NKAIN2: variants seen among roughly 807,000 people sequenced by gnomAD.
NKAIN2 encodes sodium/potassium transporting ATPase interacting 2.
Under a neutral mutation model 32.6 loss-of-function variants are expected in NKAIN2, and 14 were observed. That is an observed-to-expected ratio of 0.43 (90% CI 0.28 to 0.67). The LOEUF (loss-of-function observed/expected upper bound fraction) is 0.67, where lower values mean the gene tolerates loss of function less well. Among genes scored for constraint, NKAIN2 ranks in the 30% least tolerant of loss-of-function variants. The pLI is 0.17. For missense variants in NKAIN2, 198 were observed against 258.3 expected, an observed-to-expected ratio of 0.77 and a Z score of 1.60; for synonymous variants, 80 against 87.2, an observed-to-expected ratio of 0.92 and a Z score of 0.46.
intron 5 of NKAIN2, among the ~76,000 whole-genome samples, chr6:124,808,365 C>T (rs532537263): frequency 6.6e-6 from 1 of 152,236 alleles, no homozygotes; most frequent in African/African-American, 2.4e-5. Flanking sequence ...AGCATATAAA[C>T]AGACCAAAGA....
intron 1 of NKAIN2, among the ~76,000 whole-genome samples, chr6:124,270,716 A>G (rs1024730923): frequency 3.3e-5 from 5 of 152,226 alleles, no homozygotes; most frequent in African/African-American, 7.2e-5. Context: ...CTGTTAATAT[A>G]TAGGCAACCC....
At chr6:123,946,177 A>T (rs1471937920) in intron 1 of NKAIN2, among the ~76,000 whole-genome samples, 2 of 152,160 alleles carry the variant, frequency 1.3e-5, no homozygotes, top group African/African-American at 2.4e-5. Flanking sequence ...GTTGGTGAGC[A>T]GAGTGAAGTA....
At chr6:124,732,012 CTACTT>C (rs997349894) in intron 4 of NKAIN2, among the ~76,000 whole-genome samples, 3 of 151,958 alleles carry the variant, frequency 2.0e-5, no homozygotes, top group Non-Finnish European at 2.9e-5. Flanking sequence ...CTCTAAAAGC[CTACTT>C]TACTTAGCCT....
At chr6:123,850,392 AT>A (rs1355382861) in intron 1 of NKAIN2, among the ~76,000 whole-genome samples, 5 of 149,198 alleles carry the variant, frequency 3.4e-5, no homozygotes, top group Non-Finnish European at 4.4e-5. Flanking sequence ...ACACGTATAT[AT>A]TTTTTTCCCC....
chr6:124,095,043 A>G lies in NKAIN2; in HGVS notation c.55-187962A>G, dbSNP rs146425718. Among the ~76,000 whole-genome samples the G allele has an allele frequency of 3.4e-3, 517 of 152,236 alleles. 1 individual carries two copies. The highest frequency in any genetic ancestry group is 0.012 in the African/African-American group (479 of 41,544). Reference sequence around the variant, plus strand: ...GAGACATTAAAAAATATGTAATAACATGGTTGTAAAAATGTGGTGAAGAAT... The same window carrying G: ...GAGACATTAAAAAATATGTAATAACGTGGTTGTAAAAATGTGGTGAAGAAT... On this transcript the variant is annotated intron_variant, in intron 1 of 6. Coordinates refer to ENST00000368417, the MANE Select transcript of NKAIN2 (RefSeq NM_001040214.3).
chr6:124,524,812 C>A (rs1173467349), intron 3 of NKAIN2, among the ~76,000 whole-genome samples: 1 of 152,072 alleles, frequency 6.6e-6, no homozygotes, highest in Non-Finnish European at 1.5e-5. Flanking sequence ...ATGCTTTTTT[C>A]ACATAAAACT....
chr6:124,604,826 C>A (rs914597120), intron 3 of NKAIN2, among the ~76,000 whole-genome samples: 1 of 151,874 alleles, frequency 6.6e-6, no homozygotes, highest in Non-Finnish European at 1.5e-5. Flanking sequence ...GGCTCAGTGG[C>A]CTTACCACCT....
At chr6:124,693,682 G>A (rs1774362563) in intron 4 of NKAIN2, among the ~76,000 whole-genome samples, 1 of 152,178 alleles carries the variant, frequency 6.6e-6, no homozygotes, top group Non-Finnish European at 1.5e-5. Flanking sequence ...AAGGGGAGAA[G>A]GGAAAGGGCA....
chr6:124,570,001 G>A (rs1781064480), intron 3 of NKAIN2, among the ~76,000 whole-genome samples: 2 of 152,190 alleles, frequency 1.3e-5, no homozygotes, highest in South Asian at 4.1e-4. Context: ...GGTGGTCTCA[G>A]ATGGAGATGA....
intron 3 of NKAIN2, among the ~76,000 whole-genome samples, chr6:124,369,832 A>G (rs1799674423): frequency 6.8e-6 from 1 of 146,928 alleles, no homozygotes; most frequent in South Asian, 2.2e-4. Flanking sequence ...TTTGGAAACT[A>G]AATTAAGATT....
intron 3 of NKAIN2, among the ~76,000 whole-genome samples, chr6:124,611,902 C>T (rs1019621241): frequency 2.0e-5 from 3 of 152,116 alleles, no homozygotes; most frequent in African/African-American, 7.2e-5. Context: ...TTGTTGTCAG[C>T]ACCATTTAGA....
At chr6:124,413,765 A>T (rs1265496481) in intron 3 of NKAIN2, among the ~76,000 whole-genome samples, 1 of 152,112 alleles carries the variant, frequency 6.6e-6, no homozygotes, top group East Asian at 1.9e-4. Flanking sequence ...CATTTGTTGA[A>T]TTTACCCCTA....
chr6:124,354,863 C>T (rs1421011205), intron 2 of NKAIN2, among the ~76,000 whole-genome samples: 1 of 113,698 alleles, frequency 8.8e-6, no homozygotes, highest in Non-Finnish European at 1.8e-5. Context: ...AAAAAAAAAA[C>T]TCAACAGTCC....
At chr6:123,983,105 T>C (rs1206698014) in intron 1 of NKAIN2, among the ~76,000 whole-genome samples, 1 of 151,802 alleles carries the variant, frequency 6.6e-6, no homozygotes. Context: ...GGCAGAGTAG[T>C]AGGGCTATTA....
intron 1 of NKAIN2, among the ~76,000 whole-genome samples, chr6:124,095,450 A>C (rs1435337018): frequency 6.6e-6 from 1 of 152,138 alleles, no homozygotes; most frequent in Non-Finnish European, 1.5e-5. Context: ...TTTTAACTAA[A>C]TGTTAGTACA....
chr6:124,412,534 A>G (rs912909046), intron 3 of NKAIN2, among the ~76,000 whole-genome samples: 11 of 152,074 alleles, frequency 7.2e-5, no homozygotes, highest in Non-Finnish European at 1.3e-4. Flanking sequence ...TTCCTCTGGA[A>G]GTTTTGTCTC....
chr6:124,236,030 A>G (rs2114753269), intron 1 of NKAIN2, among the ~76,000 whole-genome samples: 1 of 152,208 alleles, frequency 6.6e-6, no homozygotes, highest in Non-Finnish European at 1.5e-5. Context: ...GTTTCTAGGG[A>G]AATTGCTGTC....
intron 1 of NKAIN2, among the ~76,000 whole-genome samples, chr6:124,062,386 G>C (rs1251250488): frequency 6.6e-6 from 1 of 152,034 alleles, no homozygotes; most frequent in Non-Finnish European, 1.5e-5. Context: ...TATTTCCCTA[G>C]AATAGAGTTC....
chr6:124,133,430 C>T (rs1346587000), intron 1 of NKAIN2, among the ~76,000 whole-genome samples: 5 of 152,066 alleles, frequency 3.3e-5, no homozygotes, highest in African/African-American at 1.2e-4. Context: ...AGAACCTCAG[C>T]ACATCTAATT....
Sources: allele counts gnomAD v4.1 joint callset (sites outside exome capture counted in the v4.1 genomes callset), GRCh38; gene constraint gnomAD v4.1.1; transcripts MANE v1.5; gene names NCBI Gene and HGNC (gene_info 2026-07-23, HGNC 2026-07-21).